The following ABTB2 variants were observed in gnomAD, a reference collection of about 807,000 sequenced individuals.
ABTB2 encodes ankyrin repeat and BTB/POZ domain-containing protein 2.
ABTB2 carries 56 observed loss-of-function variants against 104.1 expected under a neutral mutation model. The observed-to-expected ratio is 0.54, with a 90% confidence interval of 0.43 to 0.67. The LOEUF (loss-of-function observed/expected upper bound fraction) is 0.67, where lower values mean the gene tolerates loss of function less well. ABTB2 is among the 30% of genes least tolerant of loss of function. The pLI is 0.00. For missense variants in ABTB2, 1,279 were observed against 1,407.7 expected (o/e 0.91, Z 1.46); for synonymous variants, 606 against 608.2 (o/e 1.00, Z 0.05).
At chr11:34,321,182 C>T (rs1454944378) in intron 1 of ABTB2, among the ~76,000 whole-genome samples, 1 of 152,054 alleles carries the variant, frequency 6.6e-6, no homozygotes, top group East Asian at 1.9e-4. Context: ...AACTCCATCT[C>T]AAAAACAAAC....
At chr11:34,246,117 T>C (rs1853980713) in intron 1 of ABTB2, among the ~76,000 whole-genome samples, 1 of 152,216 alleles carries the variant, frequency 6.6e-6, no homozygotes, top group South Asian at 2.1e-4. Flanking sequence ...CACCTCTCAT[T>C]CCTTTTCTCT....
rs902942394 is a variant in ABTB2 at position 34,283,198 on chromosome 11, G to A, written c.883+73503C>T. On this transcript the variant is annotated intron_variant, in intron 1 of 16. Transcript: ENST00000435224. The stretch of plus-strand genomic sequence containing the variant: ...CTCCCAAAGTGCTGGGATTACAGGC[G>A]TAAGCCACCGTGCCCGGCCATCTTT... Among the ~76,000 whole-genome samples, 8 of 147,072 alleles carry A rather than the reference G, an allele frequency of 5.4e-5. No homozygotes were observed. In the South Asian group the frequency reaches 1.5e-3, roughly 28 times the overall value.
At chr11:34,258,024 C>T (rs1379620828) in intron 1 of ABTB2, among the ~76,000 whole-genome samples, 1 of 152,166 alleles carries the variant, frequency 6.6e-6, no homozygotes, top group East Asian at 1.9e-4. Flanking sequence ...AGCCCAGAGT[C>T]CCTCAAGGAG....
intron 1 of ABTB2, among the ~76,000 whole-genome samples, chr11:34,283,428 C>A (rs1854471134): frequency 6.6e-6 from 1 of 151,942 alleles, no homozygotes; most frequent in Non-Finnish European, 1.5e-5. Context: ...GTTGGCCAGG[C>A]TGATCTCGAA....
chr11:34,236,679 C>G (rs184188262), intron 1 of ABTB2, among the ~76,000 whole-genome samples: 27 of 152,242 alleles, frequency 1.8e-4, no homozygotes, highest in Admixed American at 1.1e-3. Flanking sequence ...ATTGAGATGC[C>G]GATACATCAG....
intron 5 of ABTB2, among the ~76,000 whole-genome samples, 189 bp downstream of exon 5, chr11:34,170,717 G>A (rs185017470): frequency 2.2e-4 from 34 of 152,312 alleles, no homozygotes; most frequent in African/African-American, 8.2e-4. Context: ...TTCTTCCAAG[G>A]GATACTAGAA....
intron 1 of ABTB2, among the ~76,000 whole-genome samples, chr11:34,285,431 A>G (rs1376101962): frequency 6.6e-6 from 1 of 152,176 alleles, no homozygotes; most frequent in Non-Finnish European, 1.5e-5. Flanking sequence ...AACGGAAAAC[A>G]GGGTGGCCCT....
At chr11:34,276,222 A>G (rs551755380) in intron 1 of ABTB2, among the ~76,000 whole-genome samples, 2 of 151,956 alleles carry the variant, frequency 1.3e-5, no homozygotes, top group East Asian at 3.9e-4. Context: ...TTTGGTTAAA[A>G]AAAAAAAAAA....
Position 34,266,277 on chromosome 11 carries a change from G to A in ABTB2, c.884-61587C>T, listed in dbSNP as rs184308693. On this transcript the variant is annotated intron_variant, in intron 1 of 16. Transcript: ENST00000435224. ...GTTACATTTTTTTCGGAAGTATGGG[G>A]TCTCACTATATTGCCCAGTCTGGCC... Among the ~76,000 whole-genome samples the A allele has an allele frequency of 7.9e-4, 120 of 152,186 alleles. 1 individual carries two copies. The highest frequency in any genetic ancestry group is 1.4e-3 in the Non-Finnish European group (95 of 68,010).
chr11:34,275,130 T>C (rs1386638728), intron 1 of ABTB2, among the ~76,000 whole-genome samples: 3 of 152,184 alleles, frequency 2.0e-5, no homozygotes, highest in Non-Finnish European at 2.9e-5. Context: ...CCACACCACA[T>C]TGAATCCCTT....
At chr11:34,226,292 G>A (rs1346512074) in intron 1 of ABTB2, among the ~76,000 whole-genome samples, 1 of 151,750 alleles carries the variant, frequency 6.6e-6, no homozygotes, top group East Asian at 1.9e-4. Flanking sequence ...GGCAGGATGG[G>A]CCACCACTGC....
intron 1 of ABTB2, among the ~76,000 whole-genome samples, chr11:34,219,460 T>C (rs1241690195): frequency 6.6e-6 from 1 of 152,054 alleles, no homozygotes; most frequent in African/African-American, 2.4e-5. Context: ...GGAGGATTGC[T>C]TGGGCCCAGA....
intron 1 of ABTB2, among the ~76,000 whole-genome samples, chr11:34,274,779 G>A (rs751107546): frequency 6.6e-6 from 1 of 152,076 alleles, no homozygotes; most frequent in Non-Finnish European, 1.5e-5. Context: ...AGGCATGCAG[G>A]TCAGCCACAC....
At chr11:34,152,712 C>A in intron 16 of ABTB2, 128 bp from the exon 17 acceptor site, 1 of 846,454 alleles carries the variant, frequency 1.2e-6, no homozygotes, top group Admixed American at 2.4e-5. Flanking sequence ...GGTAGGCGTT[C>A]CCTGTCCCTG....
rs1853897040 is a variant in ABTB2, at chr11:34,240,317, C to A, written c.884-35627G>T. Reference sequence around the variant, plus strand: ...TGTGAAGCCAAGCGGCCAGCAGGAGCAGCTCAAAGCTGGAGGCTGCAATTC... The same window carrying A: ...TGTGAAGCCAAGCGGCCAGCAGGAGAAGCTCAAAGCTGGAGGCTGCAATTC... On this transcript the variant is annotated intron_variant, in intron 1 of 16. Coordinates refer to ENST00000435224, the MANE Select transcript of ABTB2 (RefSeq NM_145804.3). Among the ~76,000 whole-genome samples, 3 of 152,320 alleles carry A rather than the reference C, an allele frequency of 2.0e-5. No individual in the cohort carries two copies. In the South Asian group the frequency reaches 6.2e-4, roughly 32 times the overall value.
intron 1 of ABTB2, among the ~76,000 whole-genome samples, chr11:34,270,706 G>A (rs796667002): frequency 6.6e-6 from 1 of 152,184 alleles, no homozygotes; most frequent in Admixed American, 6.5e-5. Flanking sequence ...GGCATGCAAG[G>A]TAAACAAGTG....
intron 1 of ABTB2, among the ~76,000 whole-genome samples, chr11:34,297,934 G>T (rs1854644729): frequency 6.6e-6 from 1 of 151,994 alleles, no homozygotes; most frequent in African/African-American, 2.4e-5. Flanking sequence ...AGGCTTCCCA[G>T]GGACATTGGG....
chr11:34,219,443 T>G (rs568363881), intron 1 of ABTB2, among the ~76,000 whole-genome samples: 7 of 151,910 alleles, frequency 4.6e-5, no homozygotes, highest in Non-Finnish European at 8.8e-5. Flanking sequence ...TGTGGGAGGC[T>G]GAGGAGGGAG....
chr11:34,277,379 G>C (rs1854393539), intron 1 of ABTB2, among the ~76,000 whole-genome samples: 1 of 152,066 alleles, frequency 6.6e-6, no homozygotes. Context: ...GAGGGTGGTG[G>C]ATTGGTAAGT....
Sources: allele counts gnomAD v4.1 joint callset (sites outside exome capture counted in the v4.1 genomes callset), GRCh38; gene constraint gnomAD v4.1.1; transcripts MANE v1.5; gene names NCBI Gene and HGNC (gene_info 2026-07-23, HGNC 2026-07-21).